The following CCSER1 variants were observed in gnomAD, a reference collection of about 807,000 sequenced individuals.
The protein encoded by CCSER1 is coiled-coil serine rich protein 1.
CCSER1 carries 41 observed loss-of-function variants against 82.0 expected under a neutral mutation model. The observed-to-expected ratio is 0.50, with a 90% CI of 0.39 to 0.65. The LOEUF (loss-of-function observed/expected upper bound fraction) is 0.65, where lower values mean the gene tolerates loss of function less well. CCSER1 is among the 30% of genes least tolerant of loss of function. The pLI is 0.00. For missense variants in CCSER1, 1,119 were observed against 1,064.2 expected (o/e 1.05, Z -0.72); for synonymous variants, 414 against 383.9 (o/e 1.08, Z -0.92).
intron 10 of CCSER1, among the ~76,000 whole-genome samples, chr4:91,183,138 G>A (rs904129351): frequency 3.3e-5 from 5 of 152,214 alleles, no homozygotes; most frequent in Non-Finnish European, 7.3e-5. Context: ...ACTGCTGTTT[G>A]CAATTCGGTA....
At chr4:91,180,124 G>A (rs747116878) in intron 10 of CCSER1, among the ~76,000 whole-genome samples, 4 of 152,278 alleles carry the variant, frequency 2.6e-5, no homozygotes, top group East Asian at 1.9e-4. Context: ...GCAGAACAGC[G>A]AATATTGCAG....
At chr4:90,583,402 G>A (rs574232787) in intron 5 of CCSER1, among the ~76,000 whole-genome samples, 46 of 152,204 alleles carry the variant, frequency 3.0e-4, no homozygotes, top group African/African-American at 1.1e-3. Context: ...CTGACCTCAG[G>A]TGATCCACCC....
At chr4:90,873,450 G>A (rs1186268234) in intron 8 of CCSER1, among the ~76,000 whole-genome samples, 1 of 152,016 alleles carries the variant, frequency 6.6e-6, no homozygotes, top group Non-Finnish European at 1.5e-5. Context: ...AACCATCATT[G>A]GAGGGTTCTA....
chr4:90,276,778 T>C (rs1228422757), intron 1 of CCSER1, among the ~76,000 whole-genome samples: 4 of 152,210 alleles, frequency 2.6e-5, no homozygotes, highest in Non-Finnish European at 5.9e-5. Flanking sequence ...AACAGTGTTT[T>C]GTCATTCTCC....
intron 5 of CCSER1, among the ~76,000 whole-genome samples, chr4:90,538,051 T>C (rs1378789148): frequency 6.6e-6 from 1 of 152,154 alleles, no homozygotes; most frequent in African/African-American, 2.4e-5. Flanking sequence ...TAAATTGTGC[T>C]TACTTAGAAA....
chr4:90,835,489 A>C (rs1761694564), intron 8 of CCSER1, among the ~76,000 whole-genome samples: 1 of 152,096 alleles, frequency 6.6e-6, no homozygotes. Context: ...TACGGTATTT[A>C]TTACCGTGGA....
At chr4:90,842,499 A>G (rs775259467) in intron 8 of CCSER1, among the ~76,000 whole-genome samples, 1 of 152,134 alleles carries the variant, frequency 6.6e-6, no homozygotes, top group African/African-American at 2.4e-5. Context: ...AAACTGGTCT[A>G]ATTTAGTCAG....
chr4:91,164,531 A>C (rs111700150), intron 10 of CCSER1, among the ~76,000 whole-genome samples: 29 of 152,220 alleles, frequency 1.9e-4, no homozygotes, highest in African/African-American at 6.7e-4. Flanking sequence ...GTGTTTTTCA[A>C]CTTGGTTCCA....
At chr4:90,595,984 T>TA (rs1252368721) in intron 5 of CCSER1, among the ~76,000 whole-genome samples, 1 of 151,924 alleles carries the variant, frequency 6.6e-6, no homozygotes, top group African/African-American at 2.4e-5. Flanking sequence ...GAGAGTTTGA[T>TA]AAAGTACTAA....
chr4:90,671,374 G>A (rs566067227), intron 6 of CCSER1, among the ~76,000 whole-genome samples: 1 of 152,138 alleles, frequency 6.6e-6, no homozygotes, highest in South Asian at 2.1e-4. Flanking sequence ...CTAAGTTTAT[G>A]TCATATTCCA....
At chr4:90,898,424 C>G (rs28817627) in intron 8 of CCSER1, among the ~76,000 whole-genome samples, 47,795 of 149,714 alleles carry the variant, frequency 0.32, 8,227 homozygotes, top group Non-Finnish European at 0.39. Context: ...ATTGCAGGTG[C>G]CTGACACCAT....
intron 8 of CCSER1, among the ~76,000 whole-genome samples, chr4:90,858,120 T>C (rs956820043): frequency 3.3e-5 from 5 of 152,066 alleles, no homozygotes; most frequent in Non-Finnish European, 5.9e-5. Flanking sequence ...AATGTTAAGA[T>C]TGAGCCCCAT....
chr4:90,496,901 C>A (rs1041474653), intron 5 of CCSER1, among the ~76,000 whole-genome samples: 6 of 148,830 alleles, frequency 4.0e-5, no homozygotes, highest in South Asian at 2.1e-4. Context: ...TCGCTTGAAC[C>A]CAGGAGGCGG....
intron 10 of CCSER1, among the ~76,000 whole-genome samples, chr4:91,197,944 C>T (rs537405109): frequency 2.6e-5 from 4 of 151,734 alleles, no homozygotes; most frequent in Non-Finnish European, 5.9e-5. Context: ...ATATTATAGG[C>T]AATAAAATTA....
At chr4:90,314,409 A>G (rs995818208) in intron 3 of CCSER1, among the ~76,000 whole-genome samples, 2 of 152,170 alleles carry the variant, frequency 1.3e-5, no homozygotes, top group African/African-American at 2.4e-5. Context: ...ATTTATCATC[A>G]CAACATTTTC....
At chr4:90,560,771 AAAATACCTGAT>A (rs1291059714) in intron 5 of CCSER1, among the ~76,000 whole-genome samples, 1 of 152,144 alleles carries the variant, frequency 6.6e-6, no homozygotes, top group African/African-American at 2.4e-5. Flanking sequence ...CTACTTTTTC[AAAATACCTGAT>A]ACTCTTTTCA....
chr4:90,641,954 C>A, intron 6 of CCSER1: 1 of 344,716 alleles, frequency 2.9e-6, no homozygotes, highest in Non-Finnish European at 6.5e-6. Flanking sequence ...CTTCATGAAT[C>A]CAGCATTAAT....
intron 6 of CCSER1, among the ~76,000 whole-genome samples, chr4:90,717,745 T>C (rs199795846): frequency 3.1e-4 from 30 of 96,616 alleles, no homozygotes; most frequent in Middle Eastern, 0.012. Flanking sequence ...TATATACACA[T>C]ATATATATAT....
chr4:90,339,511 G>A (rs1368872052), intron 3 of CCSER1, among the ~76,000 whole-genome samples: 1 of 152,086 alleles, frequency 6.6e-6, no homozygotes, highest in Non-Finnish European at 1.5e-5. Context: ...TCGCTCTCCA[G>A]TTATCTCCTA....
Sources: allele counts gnomAD v4.1 joint callset (sites outside exome capture counted in the v4.1 genomes callset), GRCh38; gene constraint gnomAD v4.1.1; transcripts MANE v1.5; gene names NCBI Gene and HGNC (gene_info 2026-07-23, HGNC 2026-07-21).